The following CACNA1D variants were observed in gnomAD, a reference collection of about 807,000 sequenced individuals.
CACNA1D encodes voltage-dependent L-type calcium channel subunit alpha-1D.
A neutral mutation model predicts 257.1 loss-of-function variants in CACNA1D; 55 were observed. That is an observed-to-expected ratio of 0.21 (90% CI 0.17 to 0.27). The LOEUF (loss-of-function observed/expected upper bound fraction) is 0.27. Ranked by LOEUF, CACNA1D falls within the 10% of genes least tolerant of loss-of-function variation. The pLI, the probability that CACNA1D is intolerant of heterozygous loss-of-function variation, is 1.00. For synonymous variants in CACNA1D, 980 were observed against 1,014.9 expected, an observed-to-expected ratio of 0.97 and a Z score of 0.65; for missense variants, 1,876 against 2,784.0, an observed-to-expected ratio of 0.67 and a Z score of 7.34.
chr3:53,762,944 G>A (rs1004651647), intron 30 of CACNA1D, among the ~76,000 whole-genome samples: 1 of 152,220 alleles, frequency 6.6e-6, no homozygotes, highest in Non-Finnish European at 1.5e-5. Context: ...CTCACCAGTC[G>A]TGTGACCGTG....
intron 3 of CACNA1D, among the ~76,000 whole-genome samples, chr3:53,612,354 G>C (rs2093592518): frequency 6.6e-6 from 1 of 152,176 alleles, no homozygotes; most frequent in Non-Finnish European, 1.5e-5. Context: ...TGACAGTCAA[G>C]TTACTTGTTG....
intron 3 of CACNA1D, among the ~76,000 whole-genome samples, 170 bp downstream of exon 3, chr3:53,501,890 T>C (rs565939507): frequency 6.6e-6 from 1 of 152,190 alleles, no homozygotes; most frequent in Non-Finnish European, 1.5e-5. Context: ...TAACCTGTAT[T>C]CTCAAATTTA....
rs749529469 is a variant in CACNA1D, at chr3:53,762,024, G to A, written c.3813G>A (p.Thr1271=). ...PKGYFSDAWN[T]FDSLIVIGSI... Reference sequence around the variant, plus strand: ...GGTATTTTAGTGACGCCTGGAACACGTTTGACTCCCTCATCGTAATCGGCA... The same window carrying A: ...GGTATTTTAGTGACGCCTGGAACACATTTGACTCCCTCATCGTAATCGGCA... Residue 1271 remains threonine (T), a synonymous_variant, in exon 30 of 48, where the codon ACG becomes ACA. Transcript: ENST00000350061. The A allele has an allele frequency of 5.5e-5, 89 of 1,613,594 alleles. No homozygotes were observed. Among genetic ancestry groups the A allele is most frequent in the Non-Finnish European group, 7.0e-5 (83 of 1,179,606 alleles).
At chr3:53,786,731 GC>G (rs2095455307) in intron 39 of CACNA1D, 90 bp from the exon 40 acceptor site, 3 of 345,042 alleles carry the variant, frequency 8.7e-6, no homozygotes, top group Non-Finnish European at 1.6e-5. Flanking sequence ...GCCCCACTCT[GC>G]CCCTGCCCCT....
Position 53,811,448 on chromosome 3 carries a change from G to T in CACNA1D, c.*42G>T, listed in dbSNP as rs112543277. 6.1e-6 allele frequency: 9 copies of T among 1,482,866 alleles called. No individual in the cohort carries two copies. Among genetic ancestry groups the T allele is most frequent in the Non-Finnish European group, 7.2e-6 (8 of 1,110,508 alleles). The allele number at this position is 1,482,866 out of a possible 1,614,324, so 91.9% of individuals were successfully genotyped here. A position where few individuals can be genotyped will look rare whatever the true frequency, so the allele number is the denominator to read the frequency against. On this transcript the variant is annotated 3_prime_UTR_variant, in exon 48 of 48. Coordinates refer to ENST00000350061, the MANE Select transcript of CACNA1D (RefSeq NM_001128840.3). The surrounding 1 kb of genome is among the most constrained non-coding windows in gnomAD (Gnocchi z 4.2). ...GACTGGCTCTGGCCTCAGGTGGGGCGCAGGAGAGCCAGGGGAAAAGTGCCT... is the reference window on the plus strand; with the variant it reads ...GACTGGCTCTGGCCTCAGGTGGGGCTCAGGAGAGCCAGGGGAAAAGTGCCT...
chr3:53,691,297 G>A (rs1430175653), intron 8 of CACNA1D, among the ~76,000 whole-genome samples: 1 of 151,902 alleles, frequency 6.6e-6, no homozygotes, highest in East Asian at 1.9e-4. Context: ...ACACCACTAC[G>A]CCTGGCTAAT....
chr3:53,570,660 A>G (rs1005561800), intron 3 of CACNA1D, among the ~76,000 whole-genome samples: 1 of 152,248 alleles, frequency 6.6e-6, no homozygotes, highest in Non-Finnish European at 1.5e-5. Flanking sequence ...ATGCAAACAT[A>G]CACATCCGTG....
chr3:53,681,531 C>T (rs1576334144), intron 8 of CACNA1D, among the ~76,000 whole-genome samples: 2 of 152,210 alleles, frequency 1.3e-5, no homozygotes, highest in Admixed American at 1.3e-4. Flanking sequence ...CCCTGCTAGG[C>T]ACTGGGGTTA....
At position 53,582,497 on chromosome 3, in the gene CACNA1D, G is replaced by A. The variant is rs143480951; in HGVS notation, c.484-68282G>A. On this transcript the variant is annotated intron_variant, in intron 3 of 47. Coordinates refer to ENST00000350061, the MANE Select transcript of CACNA1D (RefSeq NM_001128840.3). ...GGCAGGCAGGGATTTGAAAAGAGGG[G>A]CATTAGAGCTTGACTTGGAAAGGGG... is the stretch of plus-strand genomic sequence containing the variant. Among the ~76,000 whole-genome samples the A allele has an allele frequency of 3.9e-5, 6 of 152,224 alleles. No homozygotes were observed. The East Asian group carries it at 9.7e-4, about 25-fold the overall frequency.
At chr3:53,690,115 A>G (rs1438389116) in intron 8 of CACNA1D, among the ~76,000 whole-genome samples, 6 of 152,340 alleles carry the variant, frequency 3.9e-5, no homozygotes, top group East Asian at 1.9e-4. Context: ...TTACACAGCT[A>G]GTAAGTAGTT....
chr3:53,650,962 G>A (rs771560639), intron 4 of CACNA1D, 44 bp downstream of exon 4: 2 of 1,550,006 alleles, frequency 1.3e-6, no homozygotes, highest in East Asian at 4.5e-5. Context: ...TGGAAAATGG[G>A]AGGTGGAGGT....
intron 10 of CACNA1D, 195 bp downstream of exon 10, chr3:53,718,583 C>T (rs2094846161): frequency 4.6e-6 from 3 of 652,102 alleles, no homozygotes; most frequent in East Asian, 3.1e-5. Context: ...CCACCCCCCG[C>T]CCCCCCGCCC....
Position 53,808,739 on chromosome 3 carries a change from C to T in CACNA1D, c.5840C>T (p.Thr1947Met), listed in dbSNP as rs752102016. The T allele has an allele frequency of 6.2e-6, 10 of 1,608,252 alleles. No individual in the cohort carries two copies. In the South Asian group the frequency reaches 6.6e-5, roughly 11 times the overall value. ...TCGTCTCCCATCTTCCCCCATCGCACGGCCCTGCCTCTGCATCTAATGCAG... is the reference window on the plus strand; with the variant it reads ...TCGTCTCCCATCTTCCCCCATCGCATGGCCCTGCCTCTGCATCTAATGCAG... ...VPSSPIFPHRTALPLHLMQQQ... is the reference protein window; with the variant it reads ...VPSSPIFPHRMALPLHLMQQQ... Residue 1947 changes from threonine (T) to methionine (M), a missense_variant, in exon 46 of 48, where the codon ACG (threonine) becomes ATG (methionine). By Grantham distance (81) the Thr-to-Met change is moderately conservative (BLOSUM62 -1). Transcript: ENST00000350061.
At position 53,749,271 on chromosome 3, in the gene CACNA1D, G is replaced by T. The variant is rs2108864763; in HGVS notation, c.3318G>T (p.Leu1106Phe). The T allele has an allele frequency of 1.2e-6, 2 of 1,612,778 alleles. No homozygotes were observed. The highest frequency in any genetic ancestry group is 1.7e-6 in the Non-Finnish European group (2 of 1,178,786). The change falls in exon 27 of 48, where the codon TTG (leucine) becomes TTT (phenylalanine). Residue 1106 changes from leucine (L) to phenylalanine (F), a missense_variant. Physicochemically the swap from Leu to Phe is conservative, Grantham distance 22 (BLOSUM62 0). Transcript: ENST00000350061. Reference sequence around the variant, plus strand: ...CACTTGGTTTTTCTCTCTCTAGGTTGCTGTATAAAGCCATCGACTCGAATG... The same window carrying T: ...CACTTGGTTTTTCTCTCTCTAGGTTTCTGTATAAAGCCATCGACTCGAATG... ...TVSTFEGWPA[L>F]LYKAIDSNGE... is the part of the protein sequence containing the mutation.
At chr3:53,625,485 T>C (rs1037231593) in intron 3 of CACNA1D, among the ~76,000 whole-genome samples, 2 of 152,178 alleles carry the variant, frequency 1.3e-5, no homozygotes, top group Non-Finnish European at 2.9e-5. Context: ...AGCTGTGTGG[T>C]TGCTTTAGGA....
chr3:53,718,601 C>CCCCCCCCAAAAAAAA, intron 10 of CACNA1D: 2 of 1,103,190 alleles, frequency 1.8e-6, no homozygotes, highest in Non-Finnish European at 2.7e-6. Flanking sequence ...CCCCCCGGCC[C>CCCCCCCCAAAAAAAA]AGCATTTCAC....
At chr3:53,755,633 C>T (rs561416670) in intron 29 of CACNA1D, among the ~76,000 whole-genome samples, 2 of 152,272 alleles carry the variant, frequency 1.3e-5, no homozygotes, top group East Asian at 3.9e-4. Context: ...GACAACCTCA[C>T]GTTACAATTG....
At chr3:53,805,244 C>T (rs934318139) in intron 45 of CACNA1D, 98 bp downstream of exon 45, 3 of 1,189,936 alleles carry the variant, frequency 2.5e-6, no homozygotes, top group Admixed American at 3.4e-5. Flanking sequence ...TGTGTGCTGC[C>T]AGGTCAGGAT....
Position 53,732,097 on chromosome 3 carries a change from G to T in CACNA1D, c.2473+15G>T, listed in dbSNP as rs1191588574. On this transcript the variant is annotated intron_variant, in intron 18 of 47. Transcript: ENST00000350061. ...CGATGTGCCAGGTATGGTGGCGGAG[G>T]CCGGAGACGCTGGCTTTGCTGTGTG... is the stretch of plus-strand genomic sequence containing the variant. 1 of 1,598,336 alleles carries T rather than the reference G, an allele frequency of 6.3e-7. No individual in the cohort carries two copies. The highest frequency in any genetic ancestry group is 1.3e-5 in the African/African-American group (1 of 74,630).
Sources: allele counts gnomAD v4.1 joint callset (sites outside exome capture counted in the v4.1 genomes callset), GRCh38; gene constraint gnomAD v4.1.1; non-coding constraint Gnocchi (gnomAD v3.1); transcripts MANE v1.5; gene names NCBI Gene and HGNC (gene_info 2026-07-23, HGNC 2026-07-21).